Variants in UBA6 observed in about 807,000 individuals in gnomAD.
UBA6 encodes ubiquitin-like modifier-activating enzyme 6.
UBA6 carries 87 observed loss-of-function variants against 148.3 expected under a neutral mutation model. The ratio of observed to expected loss-of-function variants is 0.59; its 90% CI spans 0.49 to 0.70. UBA6 has a LOEUF of 0.70. UBA6 is among the 30% of genes least tolerant of loss of function. The pLI is 0.00. For synonymous variants in UBA6, 376 were observed against 401.0 expected, an observed-to-expected ratio of 0.94 and a Z score of 0.75; for missense variants, 1,186 against 1,241.2, an observed-to-expected ratio of 0.96 and a Z score of 0.67.
intron 23 of UBA6, among the ~76,000 whole-genome samples, chr4:67,632,985 C>A (rs985707479): frequency 1.1e-4 from 17 of 152,198 alleles, no homozygotes; most frequent in African/African-American, 3.9e-4. Context: ...AGGCTCTGTT[C>A]TAAATGCTTT....
In UBA6 at chr4:67,627,775, A is replaced by G. The variant is rs528773363; in HGVS notation, c.2400+1296T>C. Among the ~76,000 whole-genome samples the G allele has an allele frequency of 9.9e-5, 15 of 151,530 alleles. No individual in the cohort carries two copies. In the East Asian group the frequency reaches 1.2e-3, roughly 12 times the overall value. On this transcript the variant is annotated intron_variant, in intron 27 of 32. Transcript: ENST00000322244. Reference sequence around the variant, plus strand: ...TCTTGAATTTTGCAGGGAGGTGGTCATTACTCCACCTTTTCTGGTATAGCT... The same window carrying G: ...TCTTGAATTTTGCAGGGAGGTGGTCGTTACTCCACCTTTTCTGGTATAGCT...
Position 67,613,289 on chromosome 4 carries a change from T to TTTTTTC in UBA6, c.*5707_*5708insGAAAAA, listed in dbSNP as rs1320391753. ...TTCTAGTTTTTTCAAACAATATTGG[T>TTTTTTC]AAATAATTAAAGGTAACCAGGCACA... On this transcript the variant is annotated 3_prime_UTR_variant, in exon 33 of 33. Transcript: ENST00000322244. The TTTTTTC allele has an allele frequency of 1.4e-4, 21 of 152,212 alleles. No homozygotes were observed. The East Asian group carries it at 1.7e-3, about 13-fold the overall frequency. The allele number at this position is 152,212 out of a possible 1,614,324, so 9.4% of individuals were successfully genotyped here.
intron 8 of UBA6, among the ~76,000 whole-genome samples, chr4:67,669,500 T>C (rs983318784): frequency 6.6e-6 from 1 of 152,186 alleles, no homozygotes; most frequent in Non-Finnish European, 1.5e-5. Context: ...CATTCCCTTA[T>C]TTTGTCTTCT....
chr4:67,692,005 T>C (rs2109958986), intron 2 of UBA6, among the ~76,000 whole-genome samples: 1 of 152,288 alleles, frequency 6.6e-6, no homozygotes, highest in East Asian at 1.9e-4. Context: ...GTAAAGGATA[T>C]AAAGCTGTAG....
In UBA6 at chr4:67,681,545, C is replaced by A; in HGVS notation, c.258+18G>T. The A allele has an allele frequency of 1.9e-6, 3 of 1,550,038 alleles. No individual in the cohort carries two copies. The highest frequency in any genetic ancestry group is 1.4e-5 in the African/African-American group (1 of 70,678). Reference sequence around the variant, plus strand: ...AAAAGGCTCATAACAATTTTTCTTACAGAGGACATTTACTTACCTTAATCC... The same window carrying A: ...AAAAGGCTCATAACAATTTTTCTTAAAGAGGACATTTACTTACCTTAATCC... On this transcript the variant is annotated intron_variant, in intron 4 of 32. Coordinates refer to ENST00000322244, the MANE Select transcript of UBA6 (RefSeq NM_018227.6).
intron 15 of UBA6, 125 bp from the exon 16 acceptor site, chr4:67,646,141 A>C: frequency 2.1e-6 from 1 of 469,918 alleles, no homozygotes. Context: ...CCCCTAACCA[A>C]TCTTAATTGA....
chr4:67,698,549 A>C (rs1401459636), intron 1 of UBA6, among the ~76,000 whole-genome samples: 2 of 152,232 alleles, frequency 1.3e-5, no homozygotes, highest in Non-Finnish European at 2.9e-5. Flanking sequence ...ATTTGCCCAA[A>C]GTCACAGAGC....
intron 3 of UBA6, 82 bp from the exon 4 acceptor site, chr4:67,681,673 T>A (rs1730443114): frequency 2.2e-6 from 2 of 921,942 alleles, no homozygotes; most frequent in African/African-American, 1.7e-5. Context: ...GTCACATATC[T>A]GACTGCATAC....
At chr4:67,630,680 C>A (rs776507622) in intron 25 of UBA6, 145 bp from the exon 26 acceptor site, 9 of 541,300 alleles carry the variant, frequency 1.7e-5, no homozygotes, top group Admixed American at 3.7e-5. Flanking sequence ...TTAAGTTAGA[C>A]AAAAATATTC....
At chr4:67,693,979 C>CCAAGGTGGGCAGA (rs1730762265) in intron 2 of UBA6, among the ~76,000 whole-genome samples, 1 of 151,774 alleles carries the variant, frequency 6.6e-6, no homozygotes. Flanking sequence ...CTTTGGGAAG[C>CCAAGGTGGGCAGA]CAAGGTGGGC....
chr4:67,661,955 C>T (rs1413840614), intron 13 of UBA6: 1 of 449,154 alleles, frequency 2.2e-6, no homozygotes, highest in African/African-American at 2.0e-5. Context: ...CTATATGTCA[C>T]ATGGCATTTC....
rs1728648485 is a variant in UBA6, at chr4:67,617,248, G to C, written c.*1749C>G. On this transcript the variant is annotated 3_prime_UTR_variant, in exon 33 of 33. Transcript: ENST00000322244. ...CCGAAAAGTATCAGTTACTTTCAAAGAACACAAAACAAAGTGAACGTGGAA... is the reference window on the plus strand; with the variant it reads ...CCGAAAAGTATCAGTTACTTTCAAACAACACAAAACAAAGTGAACGTGGAA... 6.6e-6 allele frequency: 1 copy of C among 151,974 alleles called. No individual in the cohort carries two copies. The highest frequency in any genetic ancestry group is 2.4e-5 in the African/African-American group (1 of 41,404). The allele number at this position is 151,974 out of a possible 1,614,324, so 9.4% of individuals were successfully genotyped here.
chr4:67,673,947 T>G lies in UBA6; in HGVS notation c.466-170A>C, dbSNP rs753918710. ...CCAAGGTTAATACCTTCACAAAGTA[T>G]AGGTAACAGAAGTAAAAATAACATA... On this transcript the variant is annotated intron_variant, in intron 6 of 32. Coordinates refer to ENST00000322244, the MANE Select transcript of UBA6 (RefSeq NM_018227.6). Among the ~76,000 whole-genome samples the G allele has an allele frequency of 2.0e-5, 3 of 152,218 alleles. No homozygotes were observed. In the South Asian group the frequency reaches 6.2e-4, roughly 31 times the overall value.
At chr4:67,680,675 T>C (rs1730411457) in intron 4 of UBA6, among the ~76,000 whole-genome samples, 1 of 152,226 alleles carries the variant, frequency 6.6e-6, no homozygotes, top group African/African-American at 2.4e-5. Flanking sequence ...TCCTGCTTCA[T>C]AGTATTTAGG....
chr4:67,634,045 A>T (rs354862), intron 22 of UBA6, among the ~76,000 whole-genome samples, 197 bp downstream of exon 22: 37,071 of 151,972 alleles, frequency 0.24, 4,663 homozygotes, highest in Middle Eastern at 0.31. Context: ...AACATGCTCA[A>T]ATATCGACAA....
chr4:67,649,944 G>C (rs187822317), intron 13 of UBA6, among the ~76,000 whole-genome samples: 7 of 152,200 alleles, frequency 4.6e-5, no homozygotes, highest in Admixed American at 1.3e-4. Flanking sequence ...TGTAAAAGAA[G>C]AGTTCTTGTA....
chr4:67,683,327 T>C (rs1263001562), intron 2 of UBA6, among the ~76,000 whole-genome samples: 3 of 152,204 alleles, frequency 2.0e-5, no homozygotes, highest in African/African-American at 7.2e-5. Flanking sequence ...TTTATCTTGT[T>C]TCTTTTGAAT....
Position 67,635,457 on chromosome 4 carries a change from C to A in UBA6, c.1838G>T (p.Ser613Ile). The A allele has an allele frequency of 6.5e-7, 1 of 1,549,424 alleles. No individual in the cohort carries two copies. The highest frequency in any genetic ancestry group is 2.2e-5 in the East Asian group (1 of 44,474). ...IVPHLTESYN[S>I]HRDPPEEEIP... ...TCAAAATATTGATTCACTTACATGA[C>A]TATTGTAAGACTCAGTCAAATGCGG... Residue 613 changes from serine to isoleucine, a missense_variant, in exon 20 of 33, where the codon AGT becomes ATT. Coordinates refer to ENST00000322244, the MANE Select transcript of UBA6 (RefSeq NM_018227.6).
chr4:67,696,504 C>T (rs1730841621), intron 2 of UBA6, 141 bp downstream of exon 2: 3 of 573,152 alleles, frequency 5.2e-6, no homozygotes, highest in Non-Finnish European at 9.2e-6. Context: ...TATATACACA[C>T]ATACATATAT....
Sources: gnomAD v4.1 joint callset for allele counts (sites outside exome capture counted in the v4.1 genomes callset) on GRCh38, gnomAD v4.1.1 for gene constraint, MANE v1.5 for transcripts, NCBI Gene and HGNC (gene_info 2026-07-23, HGNC 2026-07-21) for gene names.